CACNA1D: variants seen among roughly 807,000 people sequenced by gnomAD.
CACNA1D encodes the protein voltage-dependent L-type calcium channel subunit alpha-1D.
Under a neutral mutation model 257.1 loss-of-function variants are expected in CACNA1D, and 55 were observed. The observed-to-expected ratio is 0.21, with a 90% confidence interval of 0.17 to 0.27. The LOEUF is 0.27. CACNA1D is among the 10% of genes least tolerant of loss of function. The pLI, the probability that CACNA1D is intolerant of heterozygous loss-of-function variation, is 1.00. For missense variants in CACNA1D, 1,876 were observed against 2,784.0 expected (o/e 0.67, Z 7.34); for synonymous variants, 980 against 1,014.9 (o/e 0.97, Z 0.65).
chr3:53,679,694 C>T (rs735652), intron 8 of CACNA1D: 1 of 152,058 alleles, frequency 6.6e-6, no homozygotes, highest in Non-Finnish European at 1.5e-5. Flanking sequence ...TAAAGACACC[C>T]TTAATGATTA....
intron 4 of CACNA1D, among the ~76,000 whole-genome samples, chr3:53,657,837 TA>T (rs2094163639): frequency 6.6e-6 from 1 of 152,214 alleles, no homozygotes. Flanking sequence ...GTCAAGACAT[TA>T]AGAAAGTAAT....
In CACNA1D at chr3:53,722,769, C is replaced by T. The variant is rs114070747; in HGVS notation, c.1666+295C>T. Reference sequence around the variant, plus strand: ...GGGACCTCGTAATCCCTGCTCCCTGCCCTCATCGGGGAAGCTTCATTTTCC... The same window carrying T: ...GGGACCTCGTAATCCCTGCTCCCTGTCCTCATCGGGGAAGCTTCATTTTCC... On this transcript the variant is annotated intron_variant, in intron 12 of 47. Transcript: ENST00000350061. 0.014 allele frequency among the ~76,000 whole-genome samples: 2,207 copies of T among 152,316 alleles called. 21 individuals carry two copies. Among genetic ancestry groups the T allele is most frequent in the Middle Eastern group, 0.041 (12 of 294 alleles).
chr3:53,657,240 T>A (rs1264660690), intron 4 of CACNA1D, among the ~76,000 whole-genome samples: 1 of 151,920 alleles, frequency 6.6e-6, no homozygotes, highest in East Asian at 1.9e-4. Context: ...ACAACGTGGA[T>A]GAGTGTCAGA....
At chr3:53,766,211 T>C (rs1573818) in intron 30 of CACNA1D, 12,676 of 152,348 alleles carry the variant, frequency 0.083, 610 homozygotes, top group Middle Eastern at 0.16. Flanking sequence ...TTGGACCAGG[T>C]GGCTGACAGT....
chr3:53,623,461 A>G (rs890841241), intron 3 of CACNA1D, among the ~76,000 whole-genome samples: 12 of 152,194 alleles, frequency 7.9e-5, no homozygotes, highest in African/African-American at 2.7e-4. Context: ...TAGTTGCACA[A>G]TTTAGGTAGT....
chr3:53,727,993 C>T lies in CACNA1D; in HGVS notation c.2221+994C>T, dbSNP rs150837880. Among the ~76,000 whole-genome samples the T allele has an allele frequency of 6.8e-3, 1,041 of 152,212 alleles. 7 individuals are homozygous for T. Among genetic ancestry groups the T allele is most frequent in the Middle Eastern group, 0.027 (8 of 294 alleles). Reference sequence around the variant, plus strand: ...TATACATCCTTGTAGTCCCTTGACTCGGCTCTAAGGCCCCCTCCACAAGAG... The same window carrying T: ...TATACATCCTTGTAGTCCCTTGACTTGGCTCTAAGGCCCCCTCCACAAGAG... On this transcript the variant is annotated intron_variant, in intron 15 of 47. Transcript: ENST00000350061.
intron 5 of CACNA1D, 117 bp from the exon 6 acceptor site, chr3:53,665,543 C>T: frequency 1.2e-6 from 1 of 817,282 alleles, no homozygotes. Context: ...TTTGAAATAC[C>T]TCTTTGAATT....
At position 53,560,061 on chromosome 3, in the gene CACNA1D, C is replaced by CT. The variant is rs34438908; in HGVS notation, c.483+58361dup. ...TAATTTCTCTGAACATTAGGAGTTC[C>CT]TTTTTTTTTTTTTTTTTTTTCCTTT... On this transcript the variant is annotated intron_variant, in intron 3 of 47. Coordinates refer to ENST00000350061, the MANE Select transcript of CACNA1D (RefSeq NM_001128840.3). Among the ~76,000 whole-genome samples, 384 of 102,634 alleles carry CT rather than the reference C, an allele frequency of 3.7e-3. 6 individuals carry two copies. The highest frequency in any genetic ancestry group is 0.014 in the East Asian group (50 of 3,650). 67.3% of individuals were successfully genotyped at this position (102,634 alleles called of 152,430 possible). A position where few individuals can be genotyped will look rare whatever the true frequency, so the allele number is the denominator to read the frequency against.
At chr3:53,589,529 T>C (rs2093272185) in intron 3 of CACNA1D, among the ~76,000 whole-genome samples, 1 of 152,208 alleles carries the variant, frequency 6.6e-6, no homozygotes. Flanking sequence ...TTGCCGACTC[T>C]TCAGGGTCAT....
chr3:53,687,211 G>A (rs1576351114), intron 8 of CACNA1D, among the ~76,000 whole-genome samples: 1 of 152,114 alleles, frequency 6.6e-6, no homozygotes, highest in East Asian at 1.9e-4. Context: ...TTTTCTCTAT[G>A]CATTGAATGT....
At chr3:53,595,449 G>C (rs73086256) in intron 3 of CACNA1D, among the ~76,000 whole-genome samples, 4,895 of 152,250 alleles carry the variant, frequency 0.032, 110 homozygotes, top group Non-Finnish European at 0.044. Flanking sequence ...CACAGTATAG[G>C]GTTGCCTTGA....
At chr3:53,580,916 TG>T (rs903658264) in intron 3 of CACNA1D, among the ~76,000 whole-genome samples, 14 of 152,214 alleles carry the variant, frequency 9.2e-5, no homozygotes, top group African/African-American at 3.1e-4. Context: ...GTATTTGTTT[TG>T]CAAAAGAAGT....
chr3:53,547,220 TGTG>T (rs1179351405), intron 3 of CACNA1D, among the ~76,000 whole-genome samples: 3 of 152,124 alleles, frequency 2.0e-5, no homozygotes, highest in Non-Finnish European at 4.4e-5. Flanking sequence ...GCTCACTGGT[TGTG>T]GTCCTAAGTG....
At chr3:53,536,483 CATAAAA>C (rs891828601) in intron 3 of CACNA1D, among the ~76,000 whole-genome samples, 30 of 152,218 alleles carry the variant, frequency 2.0e-4, no homozygotes, top group African/African-American at 6.3e-4. Flanking sequence ...GGTTAAAAGA[CATAAAA>C]ATAGACAATC....
At chr3:53,739,945 G>A (rs1350375411) in intron 20 of CACNA1D, among the ~76,000 whole-genome samples, 2 of 152,174 alleles carry the variant, frequency 1.3e-5, no homozygotes, top group African/African-American at 4.8e-5. Flanking sequence ...AATTTATTTG[G>A]TGCCACAAGT....
At chr3:53,539,513 C>T (rs1185788519) in intron 3 of CACNA1D, among the ~76,000 whole-genome samples, 2 of 152,180 alleles carry the variant, frequency 1.3e-5, no homozygotes, top group Non-Finnish European at 2.9e-5. Flanking sequence ...CACAATCTAT[C>T]CATTCTGCTA....
At chr3:53,566,150 A>G (rs773270529) in intron 3 of CACNA1D, among the ~76,000 whole-genome samples, 2 of 152,172 alleles carry the variant, frequency 1.3e-5, no homozygotes, top group Admixed American at 6.5e-5. Flanking sequence ...ACACCTCCCT[A>G]AGGAAACCTG....
intron 3 of CACNA1D, among the ~76,000 whole-genome samples, chr3:53,536,584 C>T (rs533235090): frequency 2.4e-4 from 36 of 152,240 alleles, no homozygotes; most frequent in Non-Finnish European, 3.5e-4. Context: ...ACACGGCCCC[C>T]GGGCCAACAC....
At chr3:53,787,455 A>G (rs2289210) in intron 40 of CACNA1D, among the ~76,000 whole-genome samples, 69,344 of 121,240 alleles carry the variant, frequency 0.57, 18,614 homozygotes, top group African/African-American at 0.76. Context: ...GTGTGTGTGT[A>G]TGTATGTATG....
Sources: gnomAD v4.1 joint callset for allele counts (sites outside exome capture counted in the v4.1 genomes callset) on GRCh38, gnomAD v4.1.1 for gene constraint, MANE v1.5 for transcripts, NCBI Gene and HGNC (gene_info 2026-07-23, HGNC 2026-07-21) for gene names.